The following YARS1 variants were observed in gnomAD, a reference collection of about 807,000 sequenced individuals.
The protein encoded by YARS1 is tyrosyl-tRNA synthetase 1.
Under a neutral mutation model 62.2 loss-of-function variants are expected in YARS1, and 36 were observed. The observed-to-expected ratio is 0.58, with a 90% CI of 0.44 to 0.76. YARS1 has a LOEUF of 0.76. Ranked by LOEUF, YARS1 falls within the 30% of genes least tolerant of loss-of-function variation. YARS1 has a pLI of 0.00. For missense variants in YARS1, 524 were observed against 639.8 expected (o/e 0.82, Z 1.95); for synonymous variants, 234 against 244.9 (o/e 0.96, Z 0.42).
intron 1 of YARS1, 84 bp downstream of exon 1, chr1:32,817,104 C>G: frequency 6.4e-7 from 1 of 1,564,920 alleles, no homozygotes; most frequent in Non-Finnish European, 8.8e-7. Context: ...GCCCCACATA[C>G]TTAGAACCCC....
intron 1 of YARS1, among the ~76,000 whole-genome samples, chr1:32,813,190 A>T (rs1216907053): frequency 6.6e-6 from 1 of 152,102 alleles, no homozygotes; most frequent in Non-Finnish European, 1.5e-5. Context: ...GTCTCCCCAA[A>T]ATGTATAAAA....
intron 12 of YARS1, among the ~76,000 whole-genome samples, chr1:32,778,732 T>C (rs1652954290): frequency 6.8e-6 from 1 of 146,306 alleles, no homozygotes; most frequent in Non-Finnish European, 1.5e-5. Flanking sequence ...ATTTCTTTTC[T>C]TTTCTTTTTT....
At chr1:32,816,971 T>C in intron 1 of YARS1, 1 of 626,572 alleles carries the variant, frequency 1.6e-6, no homozygotes, top group Non-Finnish European at 2.8e-6. Flanking sequence ...ACAAGACAAC[T>C]GGACGCAAGA....
intron 1 of YARS1, among the ~76,000 whole-genome samples, chr1:32,813,598 G>A (rs1241129668): frequency 2.0e-5 from 3 of 152,176 alleles, no homozygotes; most frequent in African/African-American, 7.2e-5. Context: ...GGGATTATAG[G>A]TGTGGGCCAC....
chr1:32,811,014 C>T lies in YARS1; in HGVS notation c.101G>A (p.Arg34Gln), dbSNP rs751199361. 6 of 1,614,000 alleles carry T rather than the reference C, an allele frequency of 3.7e-6. No individual in the cohort carries two copies. The highest frequency in any genetic ancestry group is 1.7e-5 in the Admixed American group (1 of 59,994). ...EEKLKEILKE[R>Q]ELKIYWGTAT... ...CGTTCCCCAGTAAATTTTAAGTTCCCGCTCCTTCAGTATCTCCTTCAGCTT... is the reference window on the plus strand; with the variant it reads ...CGTTCCCCAGTAAATTTTAAGTTCCTGCTCCTTCAGTATCTCCTTCAGCTT... Residue 34 changes from arginine to glutamine, a missense_variant, in exon 2 of 13, where the codon CGG becomes CAG. Transcript: ENST00000373477.
rs546021158 is a variant in YARS1, at chr1:32,786,890, G to A, written c.820+50C>T. 1.7e-5 allele frequency: 28 copies of A among 1,612,540 alleles called. No individual in the cohort carries two copies. The East Asian group carries it at 1.8e-4, about 10-fold the overall frequency. On this transcript the variant is annotated intron_variant, in intron 7 of 12. Transcript: ENST00000373477. ...CAAATCACAAGTATGATCACAGCAC[G>A]AACTTTTCTATTCTAGCCTGGCCTC...
At chr1:32,804,327 A>AC (rs1288765800) in intron 4 of YARS1, among the ~76,000 whole-genome samples, 1 of 132,092 alleles carries the variant, frequency 7.6e-6, no homozygotes, top group African/African-American at 2.9e-5. Flanking sequence ...GGTCAGAGGC[A>AC]CCCCCAACCT....
chr1:32,810,382 G>T (rs1316372917), intron 3 of YARS1, among the ~76,000 whole-genome samples: 1 of 152,140 alleles, frequency 6.6e-6, no homozygotes, highest in Non-Finnish European at 1.5e-5. Flanking sequence ...CCAGCAAATA[G>T]GACAGTATTA....
At chr1:32,802,970 G>A (rs1044386900) in intron 4 of YARS1, among the ~76,000 whole-genome samples, 6 of 136,372 alleles carry the variant, frequency 4.4e-5, no homozygotes, top group Non-Finnish European at 9.2e-5. Context: ...GCGCCACAAC[G>A]CCTGGCTATT....
chr1:32,791,283 C>A lies in YARS1; in HGVS notation c.592-29G>T, dbSNP rs1765223. ...AGAGATTAGAGAAACACACAAAAGC[C>A]GATATTAGTCTAAGTTCCTCCTCAG... On this transcript the variant is annotated intron_variant, in intron 5 of 12. Coordinates refer to ENST00000373477, the MANE Select transcript of YARS1 (RefSeq NM_003680.4). The A allele has an allele frequency of 0.3, 482,101 of 1,584,098 alleles. 74,540 individuals carry two copies. Among genetic ancestry groups the A allele is most frequent in the Admixed American group, 0.34 (20,625 of 59,946 alleles).
intron 3 of YARS1, among the ~76,000 whole-genome samples, chr1:32,807,190 T>C (rs1638482793): frequency 6.6e-6 from 1 of 152,120 alleles, no homozygotes; most frequent in African/African-American, 2.4e-5. Context: ...ACACCAAGTC[T>C]CCCTTTAAAA....
At chr1:32,801,269 C>T (rs1043349124) in intron 4 of YARS1, among the ~76,000 whole-genome samples, 1 of 150,712 alleles carries the variant, frequency 6.6e-6, no homozygotes, top group African/African-American at 2.4e-5. Flanking sequence ...CATACCTCAG[C>T]GATACTGTGG....
At position 32,810,980 on chromosome 1, in the gene YARS1, C is replaced by T. The variant is rs549109061; in HGVS notation, c.135G>A (p.Thr45=). Residue 45 remains threonine, a synonymous_variant, in exon 2 of 13, where the codon ACG becomes ACA. Coordinates refer to ENST00000373477, the MANE Select transcript of YARS1 (RefSeq NM_003680.4). ...CAAAGTAAGCCACATGTGGTTTGCC[C>T]GTGGTTGCCGTTCCCCAGTAAATTT... The part of the protein sequence containing the change: ...ELKIYWGTAT[T]GKPHVAYFVP... 158 of 1,614,142 alleles carry T rather than the reference C, an allele frequency of 9.8e-5. 4 individuals carry two copies. In the South Asian group the frequency reaches 1.6e-3, roughly 17 times the overall value.
chr1:32,790,062 T>A (rs1227174009), intron 6 of YARS1, among the ~76,000 whole-genome samples: 1 of 150,996 alleles, frequency 6.6e-6, no homozygotes, highest in African/African-American at 2.4e-5. Flanking sequence ...TTTTGTACTT[T>A]TAGTAGAGAT....
At position 32,779,423 on chromosome 1, in the gene YARS1, C is replaced by T. The variant is rs142142194; in HGVS notation, c.1435G>A (p.Glu479Lys). 4.6e-5 allele frequency: 75 copies of T among 1,614,132 alleles called. No individual in the cohort carries two copies. The highest frequency in any genetic ancestry group is 6.1e-5 in the Non-Finnish European group (72 of 1,180,050). ...ACTTTCTTCTTGGGCTTGAGCTCCT[C>T]ATCTGGTTGGCCCTTTTCATAGCCC... ...VKGYEKGQPD[E>K]ELKPKKKVFE... Residue 479 changes from glutamate to lysine, a missense_variant, in exon 12 of 13, where the codon GAG (glutamate) becomes AAG (lysine). Physicochemically the swap from Glu to Lys is moderately conservative, Grantham distance 56. Transcript: ENST00000373477.
At chr1:32,782,028 C>A in intron 9 of YARS1, 1 of 156,924 alleles carries the variant, frequency 6.4e-6, no homozygotes, top group Non-Finnish European at 1.3e-5. Context: ...TGGTCTCTAA[C>A]TTTTGGGCTC....
chr1:32,787,679 T>C (rs1653279541), intron 6 of YARS1, among the ~76,000 whole-genome samples: 1 of 151,900 alleles, frequency 6.6e-6, no homozygotes, highest in African/African-American at 2.4e-5. Context: ...CCAGCTAATT[T>C]TGTTTTTGTA....
At chr1:32,778,830 C>T (rs1652962288) in intron 12 of YARS1, among the ~76,000 whole-genome samples, 1 of 151,438 alleles carries the variant, frequency 6.6e-6, no homozygotes, top group African/African-American at 2.4e-5. Flanking sequence ...CCTCTGCCTC[C>T]CGGGTTCAAG....
At chr1:32,786,312 A>G in intron 8 of YARS1, 50 bp downstream of exon 8, 1 of 1,584,122 alleles carries the variant, frequency 6.3e-7, no homozygotes, top group Non-Finnish European at 8.7e-7. Context: ...TCAGCAAAAA[A>G]TAACAAAATA....
Sources: allele counts gnomAD v4.1 joint callset (sites outside exome capture counted in the v4.1 genomes callset), GRCh38; gene constraint gnomAD v4.1.1; transcripts MANE v1.5; gene names NCBI Gene and HGNC (gene_info 2026-07-23, HGNC 2026-07-21).